The following MSI2 variants were observed in gnomAD, a reference collection of about 807,000 sequenced individuals.
MSI2 encodes musashi RNA binding protein 2, also known as RNA-binding protein Musashi homolog 2.
MSI2 carries 17 observed loss-of-function variants against 45.6 expected under a neutral mutation model. The observed-to-expected ratio is 0.37, with a 90% CI of 0.26 to 0.56. MSI2 has a LOEUF of 0.56. Among genes scored for constraint, MSI2 ranks in the 20% least tolerant of loss-of-function variants. MSI2 has a pLI of 0.77. For synonymous variants in MSI2, 156 were observed against 158.2 expected (o/e 0.99, Z 0.11); for missense variants, 293 against 444.2 (o/e 0.66, Z 3.06).
chr17:57,660,059 G>A (rs764588566), intron 11 of MSI2, among the ~76,000 whole-genome samples: 2 of 152,148 alleles, frequency 1.3e-5, no homozygotes, highest in Non-Finnish European at 2.9e-5. Flanking sequence ...ATATTATGGG[G>A]GATTTATTGG....
chr17:57,318,335 TC>T (rs1472734942), intron 5 of MSI2, among the ~76,000 whole-genome samples: 5 of 151,942 alleles, frequency 3.3e-5, no homozygotes, highest in Non-Finnish European at 7.4e-5. Flanking sequence ...TCGGAGCCTT[TC>T]CCCCATTCCG....
At chr17:57,614,663 T>C (rs192479293) in intron 8 of MSI2, among the ~76,000 whole-genome samples, 51 of 152,336 alleles carry the variant, frequency 3.3e-4, no homozygotes, top group African/African-American at 1.1e-3. Context: ...CATCCCATCT[T>C]CATCAGCAGT....
chr17:57,622,060 A>G, intron 9 of MSI2, among the ~76,000 whole-genome samples: 1 of 152,188 alleles, frequency 6.6e-6, no homozygotes, highest in East Asian at 1.9e-4. Context: ...TTAACAGGAC[A>G]TGGTGGCGCA....
chr17:57,465,263 AAC>A (rs1390305044), intron 6 of MSI2, among the ~76,000 whole-genome samples: 1 of 150,934 alleles, frequency 6.6e-6, no homozygotes, highest in East Asian at 1.9e-4. Context: ...GGAGTTCGAG[AAC>A]AGCCTGAGCA....
chr17:57,338,112 C>T (rs1914825188), intron 5 of MSI2, among the ~76,000 whole-genome samples: 2 of 152,170 alleles, frequency 1.3e-5, no homozygotes, highest in East Asian at 3.9e-4. Context: ...ATTTTTGAGA[C>T]AGAGTCTCTC....
chr17:57,619,726 C>T (rs1436757348), intron 9 of MSI2, among the ~76,000 whole-genome samples: 1 of 152,098 alleles, frequency 6.6e-6, no homozygotes, highest in Non-Finnish European at 1.5e-5. Flanking sequence ...AGCACTGGTC[C>T]CTGCGCTTAT....
chr17:57,512,968 C>T lies in MSI2; in HGVS notation c.406-16708C>T, dbSNP rs60892568. ...ATATTGCACATGAATTAGCTTCTTC[C>T]TTTTTTTTTTTTTTTTTCCTTCTGA... On this transcript the variant is annotated intron_variant, in intron 6 of 13. Coordinates refer to ENST00000284073, the MANE Select transcript of MSI2 (RefSeq NM_138962.4). Among the ~76,000 whole-genome samples, 1,024 of 114,640 alleles carry T rather than the reference C, an allele frequency of 8.9e-3. 44 individuals carry two copies. Among genetic ancestry groups the T allele is most frequent in the South Asian group, 0.02 (67 of 3,430 alleles). The allele number at this position is 114,640 out of a possible 152,430, so 75.2% of individuals were successfully genotyped here.
At chr17:57,445,494 T>C (rs11657292) in intron 6 of MSI2, among the ~76,000 whole-genome samples, 80,389 of 151,454 alleles carry the variant, frequency 0.53, 22,906 homozygotes, top group East Asian at 0.79. Context: ...TGGGGTCTTT[T>C]GTTGTGTTGT....
chr17:57,567,179 T>C (rs2087755257), intron 7 of MSI2, among the ~76,000 whole-genome samples: 1 of 152,214 alleles, frequency 6.6e-6, no homozygotes, highest in South Asian at 2.1e-4. Context: ...AGTTGGAATA[T>C]AGGCCCGGAG....
At chr17:57,447,855 C>T (rs2084928994) in intron 6 of MSI2, among the ~76,000 whole-genome samples, 1 of 152,184 alleles carries the variant, frequency 6.6e-6, no homozygotes, top group Non-Finnish European at 1.5e-5. Context: ...GGGCTATGAA[C>T]CATGACAGGG....
chr17:57,479,053 CA>C (rs2143736611), intron 6 of MSI2, among the ~76,000 whole-genome samples: 1 of 152,026 alleles, frequency 6.6e-6, no homozygotes, highest in Admixed American at 6.5e-5. Context: ...GTGTGTGCCC[CA>C]GGGGGATAAC....
chr17:57,327,042 G>A (rs1159574107), intron 5 of MSI2, among the ~76,000 whole-genome samples: 1 of 152,130 alleles, frequency 6.6e-6, no homozygotes, highest in African/African-American at 2.4e-5. Context: ...AATGGAGCTC[G>A]GTACTTACAG....
chr17:57,343,420 T>G (rs1274775804), intron 5 of MSI2, among the ~76,000 whole-genome samples: 2 of 152,166 alleles, frequency 1.3e-5, no homozygotes, highest in African/African-American at 4.8e-5. Flanking sequence ...ACATATATCC[T>G]TTATCAGCAT....
At chr17:57,579,664 A>G (rs533905794) in intron 7 of MSI2, among the ~76,000 whole-genome samples, 1 of 152,306 alleles carries the variant, frequency 6.6e-6, no homozygotes, top group African/African-American at 2.4e-5. Flanking sequence ...TCTGGAACCC[A>G]CATCCTACAG....
chr17:57,467,479 TAGAC>T (rs758215659), intron 6 of MSI2, among the ~76,000 whole-genome samples: 12 of 152,060 alleles, frequency 7.9e-5, no homozygotes, highest in South Asian at 6.2e-4. Context: ...GATGCATGGA[TAGAC>T]AGAAGGGCAG....
chr17:57,507,221 CTCTCTG>C (rs2086252131), intron 6 of MSI2, among the ~76,000 whole-genome samples: 3 of 58,532 alleles, frequency 5.1e-5, no homozygotes, highest in African/African-American at 8.7e-5. Context: ...TTGTCTTTGT[CTCTCTG>C]TGTGTGTGTG....
chr17:57,256,306 G>C (rs1418677028), upstream of MSI2, among the ~76,000 whole-genome samples: 1 of 151,650 alleles, frequency 6.6e-6, no homozygotes, highest in Non-Finnish European at 1.5e-5. Context: ...GGGTTCGCGC[G>C]CCACCCTTGT....
intron 5 of MSI2, among the ~76,000 whole-genome samples, chr17:57,383,717 A>G (rs2083637784): frequency 6.6e-6 from 1 of 152,248 alleles, no homozygotes; most frequent in South Asian, 2.1e-4. Flanking sequence ...CTGACATTTT[A>G]GACTCCTGCC....
intron 11 of MSI2, among the ~76,000 whole-genome samples, chr17:57,669,012 G>C (rs1476527198): frequency 1.3e-5 from 2 of 152,226 alleles, no homozygotes; most frequent in African/African-American, 4.8e-5. Context: ...AGGAAAGCTT[G>C]AGCCAAGGAT....
Sources: gnomAD v4.1 joint callset for allele counts (sites outside exome capture counted in the v4.1 genomes callset) on GRCh38, gnomAD v4.1.1 for gene constraint, MANE v1.5 for transcripts, NCBI Gene and HGNC (gene_info 2026-07-23, HGNC 2026-07-21) for gene names.